The following DSCAML1 variants were observed in gnomAD, a reference collection of about 807,000 sequenced individuals.
DSCAML1 encodes DS cell adhesion molecule like 1.
Under a neutral mutation model 200.5 loss-of-function variants are expected in DSCAML1, and 38 were observed. The observed-to-expected ratio is 0.19, with a 90% confidence interval of 0.15 to 0.25. The LOEUF is 0.25. Ranked by LOEUF, DSCAML1 falls within the 10% of genes least tolerant of loss-of-function variation. The pLI, the probability that DSCAML1 is intolerant of heterozygous loss-of-function variation, is 1.00. For synonymous variants in DSCAML1, 1,215 were observed against 1,165.0 expected, an observed-to-expected ratio of 1.04 and a Z score of -0.87; for missense variants, 2,223 against 2,858.8, an observed-to-expected ratio of 0.78 and a Z score of 5.07.
At chr11:117,777,715 T>A (rs2055154733) in intron 2 of DSCAML1, among the ~76,000 whole-genome samples, 1 of 151,436 alleles carries the variant, frequency 6.6e-6, no homozygotes, top group African/African-American at 2.4e-5. Flanking sequence ...TTCAGAACCA[T>A]CCCTTCCCCC....
At chr11:117,542,324 A>C (rs138014593) in intron 3 of DSCAML1, among the ~76,000 whole-genome samples, 29,702 of 72,860 alleles carry the variant, frequency 0.41, 3,347 homozygotes, top group South Asian at 0.55. Flanking sequence ...AAACAAAACA[A>C]AACACAAAAA....
chr11:117,486,226 G>A (rs182152209), intron 11 of DSCAML1, among the ~76,000 whole-genome samples: 1 of 148,442 alleles, frequency 6.7e-6, no homozygotes, highest in East Asian at 2.0e-4. Flanking sequence ...TGGCGGATGG[G>A]AAAGTGGCGG....
intron 1 of DSCAML1, among the ~76,000 whole-genome samples, chr11:117,795,420 G>C (rs2055552349): frequency 6.6e-6 from 1 of 152,150 alleles, no homozygotes; most frequent in East Asian, 1.9e-4. Context: ...GGCGGAGGGA[G>C]GCAGGAAGAA....
intron 3 of DSCAML1, among the ~76,000 whole-genome samples, chr11:117,677,092 A>C (rs1369695639): frequency 6.6e-6 from 1 of 152,218 alleles, no homozygotes; most frequent in African/African-American, 2.4e-5. Context: ...TCCAAGTCTT[A>C]GGTTTGAATC....
In DSCAML1 at chr11:117,753,263, G is replaced by A. The variant is rs532625570; in HGVS notation, c.511+23528C>T. On this transcript the variant is annotated intron_variant, in intron 3 of 32. Transcript: ENST00000651296. ...AGCCTCAATAAATGATGATGGTGAC[G>A]AAGGAGAGGAATATGGGCGGCATCA... is the stretch of plus-strand genomic sequence containing the variant. Among the ~76,000 whole-genome samples, 6 of 152,316 alleles carry A rather than the reference G, an allele frequency of 3.9e-5. No individual in the cohort carries two copies. The East Asian group carries it at 5.8e-4, about 15-fold the overall frequency.
intron 3 of DSCAML1, among the ~76,000 whole-genome samples, chr11:117,622,691 G>A (rs1321019692): frequency 2.6e-5 from 4 of 152,038 alleles, no homozygotes; most frequent in Non-Finnish European, 4.4e-5. Flanking sequence ...TGGGGATGAC[G>A]GGAGCCAAAG....
At chr11:117,430,667 G>A in intron 32 of DSCAML1, 55 bp downstream of exon 32, 1 of 1,547,222 alleles carries the variant, frequency 6.5e-7, no homozygotes, top group South Asian at 1.2e-5. Flanking sequence ...AGGGCTCATG[G>A]GGCTGGGGCC....
intron 27 of DSCAML1, among the ~76,000 whole-genome samples, chr11:117,434,450 C>A (rs561780555): frequency 1.3e-5 from 2 of 152,322 alleles, no homozygotes; most frequent in South Asian, 4.1e-4. Context: ...TTCCACAATT[C>A]CAATAGTTTT....
intron 3 of DSCAML1, among the ~76,000 whole-genome samples, chr11:117,750,322 G>A (rs527539055): frequency 3.9e-5 from 6 of 152,324 alleles, no homozygotes; most frequent in Admixed American, 3.3e-4. Context: ...TCGGACCCAG[G>A]TTAGGGAGAC....
At chr11:117,705,908 A>T (rs970317895) in intron 3 of DSCAML1, among the ~76,000 whole-genome samples, 7 of 152,238 alleles carry the variant, frequency 4.6e-5, no homozygotes, top group Admixed American at 4.6e-4. Context: ...CCTTGCAAGA[A>T]GTGCCTTGTC....
intron 3 of DSCAML1, among the ~76,000 whole-genome samples, chr11:117,578,236 GAAAAAAAAA>G (rs59533726): frequency 2.0e-5 from 2 of 101,410 alleles, no homozygotes; most frequent in Non-Finnish European, 3.6e-5. Flanking sequence ...ACTCTGTCTC[GAAAAAAAAA>G]AAAAAAAAAA....
At chr11:117,742,995 C>T (rs2054448932) in intron 3 of DSCAML1, among the ~76,000 whole-genome samples, 1 of 151,206 alleles carries the variant, frequency 6.6e-6, no homozygotes, top group South Asian at 2.1e-4. Context: ...GAGATGCTCA[C>T]TCCACTTTCA....
intron 18 of DSCAML1, among the ~76,000 whole-genome samples, chr11:117,459,263 G>A (rs2048433200): frequency 6.6e-6 from 1 of 152,246 alleles, no homozygotes; most frequent in Admixed American, 6.5e-5. Context: ...CCATGGGAGA[G>A]CCCAGAGTGG....
intron 1 of DSCAML1, among the ~76,000 whole-genome samples, chr11:117,807,858 T>C (rs1052380991): frequency 6.6e-6 from 1 of 152,148 alleles, no homozygotes; most frequent in African/African-American, 2.4e-5. Context: ...CTTTGCAGTT[T>C]TCACCCAGGC....
intron 14 of DSCAML1, among the ~76,000 whole-genome samples, chr11:117,477,349 A>AGTGT (rs5795087): frequency 0.035 from 4,912 of 140,048 alleles, 83 homozygotes; most frequent in East Asian, 0.066. Context: ...TGGTTCTGAA[A>AGTGT]GTGTGTGTGT....
At chr11:117,582,361 C>T (rs1170295607) in intron 3 of DSCAML1, among the ~76,000 whole-genome samples, 1 of 152,124 alleles carries the variant, frequency 6.6e-6, no homozygotes, top group Non-Finnish European at 1.5e-5. Context: ...AACTAGCACA[C>T]CAAAAAGGCA....
chr11:117,777,750 T>C lies in DSCAML1; in HGVS notation c.365-813A>G, dbSNP rs1320415913. On this transcript the variant is annotated intron_variant, in intron 2 of 32. Coordinates refer to ENST00000651296, the MANE Select transcript of DSCAML1 (RefSeq NM_020693.4). ...CACCGTGCCCACCTCCTGCCTCAGC[T>C]GGCTTCTAGGGCATTGCCAACTGCA... Among the ~76,000 whole-genome samples the C allele has an allele frequency of 2.6e-5, 4 of 151,850 alleles. No individual in the cohort carries two copies. In the East Asian group the frequency reaches 7.8e-4, roughly 30 times the overall value.
intron 3 of DSCAML1, among the ~76,000 whole-genome samples, chr11:117,688,458 T>G (rs547661745): frequency 1.8e-4 from 27 of 152,242 alleles, no homozygotes; most frequent in African/African-American, 5.5e-4. Flanking sequence ...GCTTCTCACC[T>G]CCTCAGCCCA....
At chr11:117,713,807 G>A (rs566663541) in intron 3 of DSCAML1, among the ~76,000 whole-genome samples, 57 of 152,196 alleles carry the variant, frequency 3.7e-4, no homozygotes, top group African/African-American at 1.3e-3. Flanking sequence ...AGGTGGTGGT[G>A]GGTGGTGGGC....
Sources: allele counts gnomAD v4.1 joint callset (sites outside exome capture counted in the v4.1 genomes callset), GRCh38; gene constraint gnomAD v4.1.1; transcripts MANE v1.5; gene names NCBI Gene and HGNC (gene_info 2026-07-23, HGNC 2026-07-21).